The following PTPRD variants were observed in gnomAD, a reference collection of about 807,000 sequenced individuals.
PTPRD encodes the protein receptor-type tyrosine-protein phosphatase delta.
In PTPRD, 34 loss-of-function variants were observed where a neutral mutation model predicts 214.5. The ratio of observed to expected loss-of-function variants is 0.16; its 90% CI spans 0.12 to 0.21. The LOEUF is 0.21. PTPRD is among the 10% of genes least tolerant of loss of function. The pLI is 1.00. For missense variants in PTPRD, 2,545 were observed against 2,398.7 expected, an observed-to-expected ratio of 1.06 and a Z score of -1.27; for synonymous variants, 1,128 against 845.7, an observed-to-expected ratio of 1.33 and a Z score of -5.79.
At chr9:8,337,451 G>A (rs78420441) in intron 43 of PTPRD, among the ~76,000 whole-genome samples, 6,795 of 151,376 alleles carry the variant, frequency 0.045, 201 homozygotes, top group South Asian at 0.16. Flanking sequence ...GGCCTGTTGC[G>A]GGTTTGGAGT....
intron 5 of PTPRD, among the ~76,000 whole-genome samples, chr9:9,786,785 C>A (rs2098927784): frequency 6.6e-6 from 1 of 152,154 alleles, no homozygotes. Context: ...AAAAAAATCA[C>A]TTGCAGGTAA....
chr9:10,231,955 TTAGAGAGAGAGAGAGA>T (rs1313183059), intron 3 of PTPRD, among the ~76,000 whole-genome samples: 1 of 75,806 alleles, frequency 1.3e-5, no homozygotes, highest in African/African-American at 6.8e-5. Flanking sequence ...TGGGAATGAA[TTAGAGAGAGAGAGAGA>T]GAGAGAGAGA....
intron 11 of PTPRD, among the ~76,000 whole-genome samples, chr9:8,756,655 T>C (rs1276200703): frequency 6.6e-6 from 1 of 152,146 alleles, no homozygotes. Context: ...AGTCCATGCT[T>C]AGGAATTTCC....
At chr9:9,900,641 G>GTTTTTTTTTTTGTTTTTT (rs367877727) in intron 5 of PTPRD, among the ~76,000 whole-genome samples, 10,683 of 119,064 alleles carry the variant, frequency 0.09, 887 homozygotes, top group African/African-American at 0.18. Flanking sequence ...ACATTTTCAG[G>GTTTTTTTTTTTGTTTTTT]TTTTTTTTTT....
intron 3 of PTPRD, among the ~76,000 whole-genome samples, chr9:10,162,307 A>G (rs971338308): frequency 6.6e-6 from 1 of 151,622 alleles, no homozygotes; most frequent in African/African-American, 2.4e-5. Flanking sequence ...TTGCCTGTCA[A>G]TGTATGAATG....
chr9:10,360,667 T>A (rs548029875), intron 2 of PTPRD, among the ~76,000 whole-genome samples: 1 of 152,320 alleles, frequency 6.6e-6, no homozygotes, highest in African/African-American at 2.4e-5. Context: ...TCATAAAAAT[T>A]ATTGATGACC....
intron 7 of PTPRD, among the ~76,000 whole-genome samples, chr9:9,635,154 G>C (rs186080798): frequency 3.9e-5 from 6 of 152,220 alleles, no homozygotes; most frequent in African/African-American, 1.4e-4. Context: ...ACTGGAATAA[G>C]CCTATAAAGC....
At chr9:9,463,792 A>T (rs557134791) in intron 8 of PTPRD, among the ~76,000 whole-genome samples, 3,094 of 152,114 alleles carry the variant, frequency 0.02, 45 homozygotes, top group Non-Finnish European at 0.028. Context: ...ATAAACACAG[A>T]AGTTTACTAT....
chr9:9,126,064 GAT>G (rs1465170885), intron 10 of PTPRD, among the ~76,000 whole-genome samples: 1 of 152,186 alleles, frequency 6.6e-6, no homozygotes, highest in Non-Finnish European at 1.5e-5. Flanking sequence ...TAAGAGATGA[GAT>G]TTACCCTGTT....
At chr9:9,779,194 A>G (rs1460299759) in intron 5 of PTPRD, among the ~76,000 whole-genome samples, 2 of 151,872 alleles carry the variant, frequency 1.3e-5, no homozygotes, top group African/African-American at 4.8e-5. Context: ...CACCATATAC[A>G]AAAATTAACT....
chr9:9,261,148 T>C (rs143720598), intron 9 of PTPRD, among the ~76,000 whole-genome samples: 2 of 151,988 alleles, frequency 1.3e-5, no homozygotes, highest in African/African-American at 4.8e-5. Flanking sequence ...ACAAGGCCTG[T>C]TTACGAGTGG....
At chr9:9,229,935 T>C (rs969201186) in intron 9 of PTPRD, among the ~76,000 whole-genome samples, 1 of 152,184 alleles carries the variant, frequency 6.6e-6, no homozygotes, top group Non-Finnish European at 1.5e-5. Context: ...AGTGACTAGA[T>C]AATACTAGAT....
At chr9:9,900,291 A>G (rs2153806408) in intron 5 of PTPRD, among the ~76,000 whole-genome samples, 1 of 152,302 alleles carries the variant, frequency 6.6e-6, no homozygotes, top group Admixed American at 6.5e-5. Context: ...CAGGCCACAT[A>G]CTGCATGCTT....
At chr9:9,552,163 G>A (rs1210477340) in intron 8 of PTPRD, among the ~76,000 whole-genome samples, 3 of 151,984 alleles carry the variant, frequency 2.0e-5, no homozygotes, top group East Asian at 3.9e-4. Flanking sequence ...AGAAACAAAG[G>A]CTCAGAGAGG....
chr9:10,410,285 AATATAT>A (rs1555304079), intron 2 of PTPRD, among the ~76,000 whole-genome samples: 1 of 141,350 alleles, frequency 7.1e-6, no homozygotes, highest in Non-Finnish European at 1.5e-5. Context: ...ACACACACAC[AATATAT>A]AATATATATA....
intron 12 of PTPRD, among the ~76,000 whole-genome samples, chr9:8,664,584 A>G (rs775463668): frequency 5.3e-5 from 8 of 152,206 alleles, no homozygotes; most frequent in Non-Finnish European, 8.8e-5. Flanking sequence ...CAGTCAATCT[A>G]TACTTTCCTA....
At chr9:9,007,106 C>T (rs560446283) in intron 11 of PTPRD, among the ~76,000 whole-genome samples, 2 of 151,852 alleles carry the variant, frequency 1.3e-5, no homozygotes, top group Admixed American at 6.6e-5. Context: ...TGTGTGCTCC[C>T]ATCCACACAT....
intron 18 of PTPRD, 54 bp downstream of exon 18, chr9:8,524,871 C>A: frequency 2.0e-6 from 3 of 1,487,438 alleles, no homozygotes; most frequent in South Asian, 1.1e-5. Flanking sequence ...TGCGGCGTCT[C>A]AACTCCCCCT....
intron 7 of PTPRD, among the ~76,000 whole-genome samples, chr9:9,625,553 ATTT>A (rs61688647): frequency 7.0e-6 from 1 of 142,894 alleles, no homozygotes. Flanking sequence ...TTGTTCCTCT[ATTT>A]TTTTTTTTTT....
Sources: allele counts gnomAD v4.1 joint callset (sites outside exome capture counted in the v4.1 genomes callset), GRCh38; gene constraint gnomAD v4.1.1; transcripts MANE v1.5; gene names NCBI Gene and HGNC (gene_info 2026-07-23, HGNC 2026-07-21).